LIPI: variants seen among roughly 807,000 people sequenced by gnomAD.
The protein encoded by LIPI is lipase member I.
In LIPI, 59 loss-of-function variants were observed where a neutral mutation model predicts 50.6. The observed-to-expected ratio is 1.16, with a 90% CI of 0.94 to 1.45. LIPI has a LOEUF of 1.45. LIPI is among the 40% of genes most tolerant of loss of function. The probability of loss-of-function intolerance (pLI) is 0.00; values close to 1 mark genes in which losing one functional copy is unlikely to be tolerated. For missense variants in LIPI, 586 were observed against 536.3 expected, an observed-to-expected ratio of 1.09 and a Z score of -0.92; for synonymous variants, 203 against 178.2, an observed-to-expected ratio of 1.14 and a Z score of -1.11.
At chr21:14,110,475 T>C (rs2016359211) in intron 9 of LIPI, among the ~76,000 whole-genome samples, 1 of 152,032 alleles carries the variant, frequency 6.6e-6, no homozygotes, top group South Asian at 2.1e-4. Flanking sequence ...TATAGTTATT[T>C]TGCAACAAAA....
chr21:14,171,143 G>A (rs567047870), intron 4 of LIPI, among the ~76,000 whole-genome samples: 2 of 150,242 alleles, frequency 1.3e-5, no homozygotes, highest in Non-Finnish European at 3.0e-5. Flanking sequence ...AAATACCTAG[G>A]AATCCAACTT....
intron 8 of LIPI, among the ~76,000 whole-genome samples, chr21:14,151,147 T>A (rs1339761899): frequency 6.6e-6 from 1 of 152,214 alleles, no homozygotes; most frequent in African/African-American, 2.4e-5. Context: ...AACTTATCAT[T>A]ATTTTCTTTG....
intron 2 of LIPI, among the ~76,000 whole-genome samples, chr21:14,188,814 A>C (rs62226901): frequency 0.11 from 16,628 of 152,126 alleles, 970 homozygotes; most frequent in East Asian, 0.17. Context: ...ATGTTTTAAA[A>C]ATAACACAGG....
chr21:14,174,173 A>G (rs924361981), intron 4 of LIPI, among the ~76,000 whole-genome samples: 2 of 152,180 alleles, frequency 1.3e-5, no homozygotes, highest in Non-Finnish European at 2.9e-5. Flanking sequence ...GAGGGATAAA[A>G]GAAATTTGTC....
chr21:14,208,496 T>C (rs958477482), intron 1 of LIPI, among the ~76,000 whole-genome samples: 1 of 152,218 alleles, frequency 6.6e-6, no homozygotes, highest in African/African-American at 2.4e-5. Context: ...TGGTCAAGTC[T>C]GGTTGGCAAG....
chr21:14,168,762 T>C (rs1209168226), intron 4 of LIPI, among the ~76,000 whole-genome samples: 1 of 152,194 alleles, frequency 6.6e-6, no homozygotes, highest in African/African-American at 2.4e-5. Context: ...TGCAAAATCA[T>C]GCCAAATTGT....
At chr21:14,143,694 A>T (rs910795771) in intron 9 of LIPI, 1 of 152,170 alleles carries the variant, frequency 6.6e-6, no homozygotes, top group Admixed American at 6.6e-5. Flanking sequence ...CAACTCACAC[A>T]TGCAGATTGA....
At chr21:14,152,946 A>C (rs188174597) in intron 7 of LIPI, among the ~76,000 whole-genome samples, 1 of 152,290 alleles carries the variant, frequency 6.6e-6, no homozygotes, top group Non-Finnish European at 1.5e-5. Context: ...AGTATTGAAC[A>C]AATAGATCCT....
intron 7 of LIPI, among the ~76,000 whole-genome samples, chr21:14,159,914 C>T (rs2155963): frequency 0.73 from 110,291 of 151,072 alleles, 40,454 homozygotes; most frequent in Middle Eastern, 0.89. Context: ...ATGTGGTATA[C>T]ACACAACAAA....
At chr21:14,127,182 T>C (rs985371511) in intron 9 of LIPI, among the ~76,000 whole-genome samples, 1 of 152,216 alleles carries the variant, frequency 6.6e-6, no homozygotes, top group Non-Finnish European at 1.5e-5. Context: ...GTTGACTGCA[T>C]GCATAGTTTA....
intron 4 of LIPI, among the ~76,000 whole-genome samples, chr21:14,173,004 TTAA>T (rs1351481889): frequency 6.6e-6 from 1 of 152,008 alleles, no homozygotes; most frequent in African/African-American, 2.4e-5. Flanking sequence ...TGGAGAACAG[TTAA>T]GTAGAACAAG....
intron 1 of LIPI, among the ~76,000 whole-genome samples, chr21:14,203,405 T>C (rs1022501717): frequency 6.6e-5 from 10 of 152,128 alleles, no homozygotes; most frequent in Non-Finnish European, 1.5e-4. Flanking sequence ...TGCAGCACTA[T>C]TCACAATAGC....
intron 9 of LIPI, among the ~76,000 whole-genome samples, chr21:14,138,931 A>G (rs1480113489): frequency 6.6e-6 from 1 of 152,118 alleles, no homozygotes; most frequent in Non-Finnish European, 1.5e-5. Context: ...TGCAAAATAG[A>G]CTATAACTAC....
In LIPI at chr21:14,196,822, T is replaced by A. The variant is rs144104071; in HGVS notation, c.47-7403A>T. On this transcript the variant is annotated intron_variant, in intron 1 of 9. Coordinates refer to ENST00000681601, the MANE Select transcript of LIPI (RefSeq NM_001302998.2). ...GCCTGGGCAACAGAAGGAGAACCTATCTCAACAACAACAACAAAAAATAAT... is the reference window on the plus strand; with the variant it reads ...GCCTGGGCAACAGAAGGAGAACCTAACTCAACAACAACAACAAAAAATAAT... Among the ~76,000 whole-genome samples, 81 of 152,072 alleles carry A rather than the reference T, an allele frequency of 5.3e-4. No homozygotes were observed. In the East Asian group the frequency reaches 0.014, roughly 27 times the overall value.
chr21:14,148,991 C>A (rs1421106232), intron 8 of LIPI, among the ~76,000 whole-genome samples: 1 of 152,154 alleles, frequency 6.6e-6, no homozygotes, highest in Non-Finnish European at 1.5e-5. Context: ...AGTTTCTTTG[C>A]CTTCTGAACA....
At chr21:14,134,598 A>C (rs2017421071) in intron 9 of LIPI, among the ~76,000 whole-genome samples, 1 of 152,210 alleles carries the variant, frequency 6.6e-6, no homozygotes, top group Non-Finnish European at 1.5e-5. Context: ...ATAGACACAC[A>C]GATCAATGGA....
chr21:14,131,786 G>C (rs111930036), intron 9 of LIPI, among the ~76,000 whole-genome samples: 1 of 152,080 alleles, frequency 6.6e-6, no homozygotes, highest in South Asian at 2.1e-4. Context: ...TGAGATGTAA[G>C]AGAAATCTGA....
rs768580210 is a variant in LIPI at position 14,189,102 on chromosome 21, A to G, written c.364T>C (p.Tyr122His). ...DWSRGATTFI[Y>H]NRAVKNTRKV... ...CTGGTGTTTTTAACTGCTCTATTATAAATAAAAGTTGTAGCACCCCGGCTC... is the reference window on the plus strand; with the variant it reads ...CTGGTGTTTTTAACTGCTCTATTATGAATAAAAGTTGTAGCACCCCGGCTC... The change falls in exon 2 of 10, where the codon TAT becomes CAT. Residue 122 changes from tyrosine (Y) to histidine (H), a missense_variant. Physicochemically the swap from Tyr to His is moderately conservative, Grantham distance 83. Coordinates refer to ENST00000681601, the MANE Select transcript of LIPI (RefSeq NM_001302998.2). 1 of 1,612,778 alleles carries G rather than the reference A, an allele frequency of 6.2e-7. No individual in the cohort carries two copies. The highest frequency in any genetic ancestry group is 8.5e-7 in the Non-Finnish European group (1 of 1,179,898).
At chr21:14,188,887 T>C (rs2019547662) in intron 2 of LIPI, 147 bp downstream of exon 2, 1 of 687,814 alleles carries the variant, frequency 1.5e-6, no homozygotes, top group African/African-American at 1.8e-5. Context: ...CATACATTGG[T>C]ATATCAAACC....
Sources: gnomAD v4.1 joint callset for allele counts (sites outside exome capture counted in the v4.1 genomes callset) on GRCh38, gnomAD v4.1.1 for gene constraint, MANE v1.5 for transcripts, NCBI Gene and HGNC (gene_info 2026-07-23, HGNC 2026-07-21) for gene names.